KCNMA1: variants seen among roughly 807,000 people sequenced by gnomAD.
KCNMA1 encodes the protein Calcium-activated potassium channel subunit alpha-1.
In KCNMA1, 29 loss-of-function variants were observed where a neutral mutation model predicts 140.0. The ratio of observed to expected loss-of-function variants is 0.21; its 90% CI spans 0.15 to 0.28. The LOEUF (loss-of-function observed/expected upper bound fraction) is 0.28, where lower values mean the gene tolerates loss of function less well. Ranked by LOEUF, KCNMA1 falls within the 10% of genes least tolerant of loss-of-function variation. The pLI is 1.00. For synonymous variants in KCNMA1, 612 were observed against 611.9 expected, an observed-to-expected ratio of 1.00 and a Z score of 0.00; for missense variants, 880 against 1,602.2, an observed-to-expected ratio of 0.55 and a Z score of 7.70.
At chr10:76,880,047 A>T (rs1173155754), downstream of KCNMA1, among the ~76,000 whole-genome samples, 1 of 152,174 alleles carries the variant, frequency 6.6e-6, no homozygotes, top group Non-Finnish European at 1.5e-5. Flanking sequence ...GCTAGGTTGG[A>T]CATGCCAGGT....
chr10:77,041,687 C>G, intron 14 of KCNMA1, among the ~76,000 whole-genome samples: 1 of 152,180 alleles, frequency 6.6e-6, no homozygotes, highest in African/African-American at 2.4e-5. Flanking sequence ...CACAGGCCTC[C>G]CTGAGGGAAG....
intron 12 of KCNMA1, 152 bp downstream of exon 12, chr10:77,084,485 G>T (rs1021907061): frequency 1.4e-6 from 1 of 699,886 alleles, no homozygotes; most frequent in East Asian, 2.7e-5. Flanking sequence ...AGACAGCCTC[G>T]GCTCCCCCAG....
At chr10:76,887,726 C>T (rs1212441359) in intron 27 of KCNMA1, 1 of 598,126 alleles carries the variant, frequency 1.7e-6, no homozygotes, top group Non-Finnish European at 2.9e-6. Context: ...GCCAGGAGCC[C>T]AGGCAGAGAT....
At chr10:77,094,296 C>A (rs189642385) in intron 9 of KCNMA1, among the ~76,000 whole-genome samples, 60 of 152,228 alleles carry the variant, frequency 3.9e-4, no homozygotes, top group African/African-American at 1.3e-3. Flanking sequence ...GTGACTTGCC[C>A]AGGATGCAAT....
chr10:77,401,869 C>T (rs1330353987), intron 2 of KCNMA1, among the ~76,000 whole-genome samples: 1 of 152,152 alleles, frequency 6.6e-6, no homozygotes, highest in Non-Finnish European at 1.5e-5. Flanking sequence ...AAGTGCACAC[C>T]GTGTTTGTAC....
Position 77,573,637 on chromosome 10 carries a change from G to A in KCNMA1, c.378+63628C>T, listed in dbSNP as rs9943325. On this transcript the variant is annotated intron_variant, in intron 1 of 27. Transcript: ENST00000286628. ...GGAATGGAATGGAATGGAATGGAAT[G>A]GAATGGAATAGAATAGAATAGAATA... 1.4e-3 allele frequency among the ~76,000 whole-genome samples: 110 copies of A among 79,000 alleles called. 14 individuals are homozygous for A. The highest frequency in any genetic ancestry group is 2.0e-3 in the Admixed American group (15 of 7,356). The allele number at this position is 79,000 out of a possible 152,430, so 51.8% of individuals were successfully genotyped here.
chr10:76,880,960 T>C (rs2034411637), downstream of KCNMA1, among the ~76,000 whole-genome samples: 1 of 152,202 alleles, frequency 6.6e-6, no homozygotes, highest in Non-Finnish European at 1.5e-5. Context: ...AAGGATGAGA[T>C]GCCTGTTGTC....
intron 20 of KCNMA1, among the ~76,000 whole-genome samples, chr10:76,963,644 TG>T (rs1555001219): frequency 6.6e-6 from 1 of 152,184 alleles, no homozygotes; most frequent in Non-Finnish European, 1.5e-5. Context: ...CTCGAGGCAT[TG>T]TGTCAACACT....
intron 9 of KCNMA1, chr10:77,092,206 GAC>G (rs2096834209): frequency 6.6e-6 from 1 of 152,194 alleles, no homozygotes; most frequent in African/African-American, 2.4e-5. Context: ...AAGACAGTGT[GAC>G]ACACAGTGTA....
intron 2 of KCNMA1, among the ~76,000 whole-genome samples, chr10:77,376,062 A>C (rs2095080575): frequency 1.3e-5 from 2 of 152,224 alleles, no homozygotes; most frequent in South Asian, 4.1e-4. Flanking sequence ...CAAGATCCCC[A>C]ATCTTCTAAA....
chr10:77,355,401 T>A (rs1048142107), intron 2 of KCNMA1, among the ~76,000 whole-genome samples: 2 of 152,142 alleles, frequency 1.3e-5, no homozygotes, highest in Non-Finnish European at 2.9e-5. Context: ...TGTTCTCTGT[T>A]CCGTGGCAGC....
intron 14 of KCNMA1, among the ~76,000 whole-genome samples, chr10:77,054,661 C>G (rs1390713488): frequency 6.6e-6 from 1 of 152,148 alleles, no homozygotes; most frequent in Non-Finnish European, 1.5e-5. Context: ...AACATGAAAC[C>G]CTAATCACTG....
intron 3 of KCNMA1, among the ~76,000 whole-genome samples, chr10:77,201,416 G>A (rs552337209): frequency 5.3e-5 from 8 of 152,144 alleles, no homozygotes; most frequent in African/African-American, 1.9e-4. Flanking sequence ...ATGGACTTAC[G>A]GAGAAGACAA....
At chr10:76,947,196 G>A (rs1591594729) in intron 22 of KCNMA1, among the ~76,000 whole-genome samples, 1 of 147,862 alleles carries the variant, frequency 6.8e-6, no homozygotes, top group Non-Finnish European at 1.5e-5. Flanking sequence ...AAGTAGCCAG[G>A]CATGGTGGTG....
chr10:77,185,733 T>G (rs1454651516), intron 3 of KCNMA1, among the ~76,000 whole-genome samples: 1 of 152,068 alleles, frequency 6.6e-6, no homozygotes, highest in East Asian at 1.9e-4. Flanking sequence ...ACAAGACTTC[T>G]GTGTGCTTTC....
chr10:77,352,479 T>C (rs1288005238), intron 2 of KCNMA1, among the ~76,000 whole-genome samples: 1 of 152,208 alleles, frequency 6.6e-6, no homozygotes. Flanking sequence ...TAACCACACA[T>C]GGCTATTGAG....
intron 5 of KCNMA1, among the ~76,000 whole-genome samples, chr10:77,152,812 C>G (rs186026991): frequency 1.3e-3 from 202 of 152,312 alleles, no homozygotes; most frequent in Non-Finnish European, 2.5e-3. Flanking sequence ...GTGACAGGCA[C>G]CAACAGGGCC....
At chr10:77,596,437 G>A (rs1395669217) in intron 1 of KCNMA1, among the ~76,000 whole-genome samples, 2 of 152,154 alleles carry the variant, frequency 1.3e-5, no homozygotes, top group African/African-American at 2.4e-5. Flanking sequence ...ATGTCCAACA[G>A]TACAAATCAC....
At chr10:77,159,882 T>C (rs573712) in intron 5 of KCNMA1, among the ~76,000 whole-genome samples, 43,301 of 152,190 alleles carry the variant, frequency 0.28, 7,582 homozygotes, top group East Asian at 0.76. Context: ...CCCTTTTCTT[T>C]TGTTCATTCA....
Sources: gnomAD v4.1 joint callset for allele counts (sites outside exome capture counted in the v4.1 genomes callset) on GRCh38, gnomAD v4.1.1 for gene constraint, MANE v1.5 for transcripts, NCBI Gene and HGNC (gene_info 2026-07-23, HGNC 2026-07-21) for gene names.